PLCE1: variants seen among roughly 807,000 people sequenced by gnomAD.
The protein encoded by PLCE1 is phospholipase C epsilon 1.
PLCE1 carries 119 observed loss-of-function variants against 242.8 expected under a neutral mutation model. The ratio of observed to expected loss-of-function variants is 0.49; its 90% CI spans 0.42 to 0.57. PLCE1 has a LOEUF of 0.57. Among genes scored for constraint, PLCE1 ranks in the 20% least tolerant of loss-of-function variants. The pLI, the probability that PLCE1 is intolerant of heterozygous loss-of-function variation, is 0.00. For synonymous variants in PLCE1, 945 were observed against 1,017.4 expected, an observed-to-expected ratio of 0.93 and a Z score of 1.35; for missense variants, 2,441 against 2,788.8, an observed-to-expected ratio of 0.88 and a Z score of 2.81.
chr10:93,996,506 G>A (rs1451930207), intron 1 of PLCE1, among the ~76,000 whole-genome samples: 1 of 152,188 alleles, frequency 6.6e-6, no homozygotes, highest in Non-Finnish European at 1.5e-5. Context: ...CCAAAGAGGA[G>A]AGTTGGAGAT....
intron 5 of PLCE1, among the ~76,000 whole-genome samples, chr10:94,229,130 G>A (rs1411619653): frequency 1.3e-5 from 2 of 151,250 alleles, no homozygotes; most frequent in Non-Finnish European, 2.9e-5. Flanking sequence ...GCAGTGAGCC[G>A]AGATCATGCC....
At chr10:94,291,791 T>C (rs1266192326) in intron 22 of PLCE1, among the ~76,000 whole-genome samples, 2 of 152,158 alleles carry the variant, frequency 1.3e-5, no homozygotes, top group Admixed American at 6.5e-5. Context: ...TTTCTGGAAA[T>C]GTTGTTATCG....
rs755331102 is a variant in PLCE1 at position 94,316,745 on chromosome 10, A to C, written c.6331A>C (p.Thr2111Pro). Residue 2111 changes from threonine (T) to proline (P), a missense_variant, in exon 29 of 33, where the codon ACC (threonine) becomes CCC (proline). This residue lies in a region of PLCE1 where 310 missense variants were observed against 317.2 expected (regional missense o/e 0.98). Coordinates refer to ENST00000371380, the MANE Select transcript of PLCE1 (RefSeq NM_016341.4). ...EGYMGRIVLK[T>P]QQENLEEKNI... ...ATACATGGGCAGGATTGTCTTAAAA[A>C]CCCAGCAGGAAGTAAGTGTGTCTGG... 1.9e-6 allele frequency: 3 copies of C among 1,613,126 alleles called. No individual in the cohort carries two copies. Among genetic ancestry groups the C allele is most frequent in the South Asian group, 2.2e-5 (2 of 91,054 alleles).
At chr10:94,203,477 C>T (rs2049046171) in intron 4 of PLCE1, among the ~76,000 whole-genome samples, 1 of 152,204 alleles carries the variant, frequency 6.6e-6, no homozygotes, top group African/African-American at 2.4e-5. Context: ...TTATAAACTA[C>T]CATTTTGTAA....
chr10:94,231,938 G>C (rs1203629959), intron 5 of PLCE1, among the ~76,000 whole-genome samples: 1 of 152,310 alleles, frequency 6.6e-6, no homozygotes, highest in East Asian at 1.9e-4. Flanking sequence ...AGCCAGTACT[G>C]GTCTGCGGCC....
rs774206142 is a variant in PLCE1 at position 94,254,230 on chromosome 10, G to A, written c.3320G>A (p.Arg1107Gln). 3.2e-5 allele frequency: 52 copies of A among 1,613,916 alleles called. No individual in the cohort carries two copies. The highest frequency in any genetic ancestry group is 1.0e-4 in the Admixed American group (6 of 59,982). The change falls in exon 10 of 33, where the codon CGA becomes CAA. Residue 1107 changes from arginine (R) to glutamine (Q), a missense_variant. By Grantham distance (43) the Arg-to-Gln change is conservative. Around this residue, in one of 5 missense-constraint regions of PLCE1, gnomAD observed 1,004 missense variants for 1,322.7 expected, o/e 0.76. Transcript: ENST00000371380. ...GEVTDDEMAT[R>Q]KAKMHKECRS... ...GTAACTGACGATGAGATGGCAACCC[G>A]AAAGGCCAAGATGCACAAAGAGTGT... is the stretch of plus-strand genomic sequence containing the variant.
intron 27 of PLCE1, among the ~76,000 whole-genome samples, chr10:94,310,205 T>G (rs545292485): frequency 6.6e-6 from 1 of 152,352 alleles, no homozygotes; most frequent in South Asian, 2.1e-4. Context: ...GAAAGGCACC[T>G]TCTGCGCTCA....
Position 94,254,824 on chromosome 10 carries a change from G to A in PLCE1, c.3398-69G>A, listed in dbSNP as rs573311388. 6.5e-5 allele frequency: 101 copies of A among 1,559,008 alleles called. No individual in the cohort carries two copies. In the South Asian group the frequency reaches 1.1e-3, roughly 17 times the overall value. On this transcript the variant is annotated intron_variant, in intron 10 of 32. Transcript: ENST00000371380. ...GCTCAGACATCCAGAAGCCTCTCTG[G>A]TTTGTATTTGGTTCTGAGGGAAAGT...
intron 7 of PLCE1, among the ~76,000 whole-genome samples, chr10:94,244,996 C>A (rs1042270695): frequency 1.3e-5 from 2 of 152,136 alleles, no homozygotes; most frequent in Admixed American, 1.3e-4. Context: ...TTATTTTTAA[C>A]AGTTTAACAG....
intron 3 of PLCE1, among the ~76,000 whole-genome samples, chr10:94,159,175 G>T (rs988279171): frequency 3.3e-5 from 5 of 151,350 alleles, no homozygotes; most frequent in Admixed American, 6.6e-5. Flanking sequence ...AATATATTGG[G>T]TTTTTTTTCT....
At chr10:94,193,275 G>C in intron 4 of PLCE1, among the ~76,000 whole-genome samples, 1 of 152,282 alleles carries the variant, frequency 6.6e-6, no homozygotes. Context: ...TGGGAAACTA[G>C]GGTGCAGTGG....
chr10:94,000,498 A>C (rs2060912395), intron 1 of PLCE1, among the ~76,000 whole-genome samples: 1 of 152,226 alleles, frequency 6.6e-6, no homozygotes, highest in Non-Finnish European at 1.5e-5. Flanking sequence ...TAGAATAAGA[A>C]TTCTAACAAA....
chr10:94,310,257 TTTC>T (rs1158258895), intron 27 of PLCE1, among the ~76,000 whole-genome samples: 1 of 152,204 alleles, frequency 6.6e-6, no homozygotes, highest in African/African-American at 2.4e-5. Flanking sequence ...CACTTTCTGC[TTTC>T]TTTTCTGCCC....
chr10:94,224,943 G>A (rs922602256), intron 4 of PLCE1, among the ~76,000 whole-genome samples: 1 of 152,140 alleles, frequency 6.6e-6, no homozygotes, highest in African/African-American at 2.4e-5. Context: ...TTTGTCCCAA[G>A]GGTCTGATTC....
chr10:94,050,053 A>G (rs945065702), intron 2 of PLCE1, among the ~76,000 whole-genome samples: 1 of 152,188 alleles, frequency 6.6e-6, no homozygotes, highest in South Asian at 2.1e-4. Flanking sequence ...GGCTTCTATG[A>G]ATAGTGCTAG....
At chr10:94,180,760 G>A (rs889320735) in intron 4 of PLCE1, among the ~76,000 whole-genome samples, 10 of 152,160 alleles carry the variant, frequency 6.6e-5, no homozygotes, top group African/African-American at 2.2e-4. Flanking sequence ...TCGTCAATGG[G>A]ATTAAGGCCC....
chr10:94,019,161 G>C (rs1488174655), intron 1 of PLCE1, among the ~76,000 whole-genome samples: 2 of 152,140 alleles, frequency 1.3e-5, no homozygotes, highest in Admixed American at 6.6e-5. Flanking sequence ...AGTTATTTAA[G>C]ATAAACCTGT....
Position 94,233,959 on chromosome 10 carries a change from T to C in PLCE1, c.1956-95T>C, listed in dbSNP as rs12249757. 0.081 allele frequency: 92,048 copies of C among 1,134,468 alleles called. 5,408 individuals carry two copies. The highest frequency in any genetic ancestry group is 0.25 in the African/African-American group (15,625 of 62,930). 70.3% of individuals were successfully genotyped at this position (1,134,468 alleles called of 1,614,324 possible). Reference sequence around the variant, plus strand: ...TGAGACTCCACCTAAAAAAAAAAAATGGTAAAAAGAATGAATTTGTATGGA... The same window carrying C: ...TGAGACTCCACCTAAAAAAAAAAAACGGTAAAAAGAATGAATTTGTATGGA... On this transcript the variant is annotated intron_variant, in intron 5 of 32. Coordinates refer to ENST00000371380, the MANE Select transcript of PLCE1 (RefSeq NM_016341.4).
chr10:94,086,570 A>C (rs941269487), intron 2 of PLCE1, among the ~76,000 whole-genome samples: 1 of 152,108 alleles, frequency 6.6e-6, no homozygotes. Context: ...TGTTTTCCCC[A>C]CTAGGGTGGG....
Sources: gnomAD v4.1 joint callset for allele counts (sites outside exome capture counted in the v4.1 genomes callset) on GRCh38, gnomAD v4.1.1 for gene constraint, gnomAD v4.1.1 regional missense constraint, MANE v1.5 for transcripts, NCBI Gene and HGNC (gene_info 2026-07-23, HGNC 2026-07-21) for gene names.